Variants in PARP14 observed in about 807,000 individuals in gnomAD.
The protein encoded by PARP14 is protein mono-ADP-ribosyltransferase PARP14.
In PARP14, 59 loss-of-function variants were observed where a neutral mutation model predicts 154.2. The ratio of observed to expected loss-of-function variants is 0.38; its 90% CI spans 0.31 to 0.48. The LOEUF is 0.48. PARP14 is among the 20% of genes least tolerant of loss of function. PARP14 has a pLI of 0.98. For missense variants in PARP14, 1,734 were observed against 2,131.6 expected (o/e 0.81, Z 3.67); for synonymous variants, 720 against 780.5 (o/e 0.92, Z 1.29).
intron 15 of PARP14, among the ~76,000 whole-genome samples, chr3:122,725,781 G>C (rs563353495): frequency 4.0e-4 from 61 of 152,174 alleles, no homozygotes; most frequent in African/African-American, 1.5e-3. Flanking sequence ...CTTACTTACT[G>C]TACTTACTGA....
rs1576579907 is a variant in PARP14, at chr3:122,686,817, T to G, written c.322-263T>G. On this transcript the variant is annotated intron_variant, in intron 2 of 16. Coordinates refer to ENST00000474629, the MANE Select transcript of PARP14 (RefSeq NM_017554.3). ...ATTATGAGCTAAGATGTTTCTCTGA[T>G]GTAGGATGTACCTCATATTCCCAAA... 7.3e-6 allele frequency: 3 copies of G among 411,988 alleles called. No homozygotes were observed. The East Asian group carries it at 1.3e-4, about 18-fold the overall frequency. 25.5% of individuals were successfully genotyped at this position (411,988 alleles called of 1,614,324 possible).
chr3:122,725,089 C>T (rs1933254216), intron 15 of PARP14, among the ~76,000 whole-genome samples: 1 of 152,186 alleles, frequency 6.6e-6, no homozygotes, highest in African/African-American at 2.4e-5. Flanking sequence ...TCTCTTTTCC[C>T]CACATTTCCT....
chr3:122,714,461 C>T, intron 12 of PARP14, 32 bp downstream of exon 12: 1 of 1,506,574 alleles, frequency 6.6e-7, no homozygotes, highest in African/African-American at 1.4e-5. Flanking sequence ...AGGCTAAATC[C>T]CAAGCCATCT....
rs750476433 is a variant in PARP14, at chr3:122,701,542, G to T, written c.2988G>T (p.Ala996=). The T allele has an allele frequency of 1.6e-5, 25 of 1,611,438 alleles. No homozygotes were observed. The highest frequency in any genetic ancestry group is 2.0e-5 in the Non-Finnish European group (24 of 1,178,668). Residue 996 remains alanine, a synonymous_variant, in exon 6 of 17, where the codon GCG becomes GCT. Coordinates refer to ENST00000474629, the MANE Select transcript of PARP14 (RefSeq NM_017554.3). This position sits in a 1 kb window ranked among gnomAD's most constrained non-coding sequence, Gnocchi z 4.0. ...AAPPGLPPAA[A]GPGKTSWEKG... ...CGCCAGGTTTACCACCAGCAGCAGC[G>T]GGGCCTGGGAAAACATCATGGGAAA...
At chr3:122,705,971 G>A (rs920854991) in intron 8 of PARP14, among the ~76,000 whole-genome samples, 10 of 152,202 alleles carry the variant, frequency 6.6e-5, no homozygotes, top group Non-Finnish European at 1.2e-4. Flanking sequence ...AGGACGAATA[G>A]GAATAGCACA....
Position 122,701,126 on chromosome 3 carries a change from A to C in PARP14, c.2572A>C (p.Arg858=). ...TGACCAGATAGTGAAGAGAGAGGGC[A>C]GACTCCTACCGGGCAATGCCACCAT... The part of the protein sequence containing the change: ...DCDQIVKREG[R]LLPGNATISK... The change falls in exon 6 of 17, where the codon AGA becomes CGA. Residue 858 remains arginine (R), a synonymous_variant. Coordinates refer to ENST00000474629, the MANE Select transcript of PARP14 (RefSeq NM_017554.3). The surrounding 1 kb of genome is among the most constrained non-coding windows in gnomAD (Gnocchi z 4.0). 2 of 1,614,004 alleles carry C rather than the reference A, an allele frequency of 1.2e-6. No individual in the cohort carries two copies. Among genetic ancestry groups the C allele is most frequent in the Non-Finnish European group, 1.7e-6 (2 of 1,179,898 alleles).
At position 122,681,830 on chromosome 3, in the gene PARP14, G is replaced by A. The variant is rs1032315457; in HGVS notation, c.187+760G>A. On this transcript the variant is annotated intron_variant, in intron 1 of 16. Coordinates refer to ENST00000474629, the MANE Select transcript of PARP14 (RefSeq NM_017554.3). The surrounding 1 kb of genome is among the most constrained non-coding windows in gnomAD (Gnocchi z 5.5). ...CCAAGAGCCCAGAGGTGATCTGCTGGCTCAAGGGCCTCCCTGGTCTGCAAT... is the reference window on the plus strand; with the variant it reads ...CCAAGAGCCCAGAGGTGATCTGCTGACTCAAGGGCCTCCCTGGTCTGCAAT... 6.6e-5 allele frequency among the ~76,000 whole-genome samples: 10 copies of A among 152,184 alleles called. No homozygotes were observed. The highest frequency in any genetic ancestry group is 6.5e-4 in the Admixed American group (10 of 15,280).
Position 122,701,033 on chromosome 3 carries a change from C to G in PARP14, c.2479C>G (p.Leu827Val). 1 of 1,614,024 alleles carries G rather than the reference C, an allele frequency of 6.2e-7. No individual in the cohort carries two copies. The highest frequency in any genetic ancestry group is 8.5e-7 in the Non-Finnish European group (1 of 1,179,874). ...DVVVNASNED[L>V]KHYGGLAAAL... Reference sequence around the variant, plus strand: ...GGTGGTGAATGCATCTAATGAGGACCTTAAGCATTATGGTGGCCTGGCCGC... The same window carrying G: ...GGTGGTGAATGCATCTAATGAGGACGTTAAGCATTATGGTGGCCTGGCCGC... The change falls in exon 6 of 17, where the codon CTT becomes GTT. Residue 827 changes from leucine (L) to valine (V), a missense_variant. By Grantham distance (32) the Leu-to-Val change is conservative. Coordinates refer to ENST00000474629, the MANE Select transcript of PARP14 (RefSeq NM_017554.3). This position sits in a 1 kb window ranked among gnomAD's most constrained non-coding sequence, Gnocchi z 4.0.
At position 122,704,635 on chromosome 3, in the gene PARP14, A is replaced by C; in HGVS notation, c.3427A>C (p.Ile1143Leu). Residue 1143 changes from isoleucine (I) to leucine (L), a missense_variant, in exon 8 of 17, where the codon ATA becomes CTA. Around this residue, in one of 2 missense-constraint regions of PARP14, gnomAD observed 1,646 missense variants for 1,976.0 expected, o/e 0.83. Coordinates refer to ENST00000474629, the MANE Select transcript of PARP14 (RefSeq NM_017554.3). ...GTGNLGFPKN[I>L]FAELIISEVF... ...AGGAAACTTGGGATTTCCTAAAAAC[A>C]TATTCGCTGAATTAATCATTTCAGA... 1 of 1,606,292 alleles carries C rather than the reference A, an allele frequency of 6.2e-7. No individual in the cohort carries two copies.
At chr3:122,693,151 T>C (rs535050312) in intron 4 of PARP14, among the ~76,000 whole-genome samples, 31 of 152,354 alleles carry the variant, frequency 2.0e-4, no homozygotes, top group African/African-American at 7.0e-4. Flanking sequence ...TCTACACCTG[T>C]CCTCTTACCT....
At position 122,701,323 on chromosome 3, in the gene PARP14, T is replaced by C; in HGVS notation, c.2769T>C (p.Ser923=). The part of the protein sequence containing the change: ...YRSIAIPAIS[S]GVFGFPLGRC... ...CCATAGCCATCCCAGCTATTAGTTC[T>C]GGAGTCTTTGGCTTTCCCTTAGGCC... Residue 923 remains serine, a synonymous_variant, in exon 6 of 17, where the codon TCT becomes TCC. Transcript: ENST00000474629. The surrounding 1 kb of genome is among the most constrained non-coding windows in gnomAD (Gnocchi z 4.0). 6.2e-7 allele frequency: 1 copy of C among 1,614,074 alleles called. No individual in the cohort carries two copies.
At position 122,699,545 on chromosome 3, in the gene PARP14, T is replaced by C. The variant is rs760486403; in HGVS notation, c.991T>C (p.Trp331Arg). Reference sequence around the variant, plus strand: ...TGAAGAGTCACTAGATCTTCCCTTATGGAAGTTCTTACAGAAAAAGAATCA... The same window carrying C: ...TGAAGAGTCACTAGATCTTCCCTTACGGAAGTTCTTACAGAAAAAGAATCA... The part of the protein sequence containing the change: ...PFEESLDLPL[W>R]KFLQKKNHLI... The change falls in exon 6 of 17, where the codon TGG (tryptophan) becomes CGG (arginine). Residue 331 changes from tryptophan to arginine, a missense_variant. Trp to Arg is a moderately radical substitution (Grantham distance 101). Transcript: ENST00000474629. 3.1e-6 allele frequency: 5 copies of C among 1,613,878 alleles called. No homozygotes were observed. Among genetic ancestry groups the C allele is most frequent in the Non-Finnish European group, 1.7e-6 (2 of 1,179,784 alleles).
At chr3:122,726,997 GAA>G (rs71136587) in intron 15 of PARP14, among the ~76,000 whole-genome samples, 5 of 132,956 alleles carry the variant, frequency 3.8e-5, no homozygotes, top group African/African-American at 8.4e-5. Context: ...CCCAAAACTG[GAA>G]AAAAAAAAAA....
intron 2 of PARP14, among the ~76,000 whole-genome samples, chr3:122,686,268 C>T (rs1938370091): frequency 6.6e-6 from 1 of 151,958 alleles, no homozygotes; most frequent in South Asian, 2.1e-4. Context: ...ATCCTCCTAC[C>T]TCAGCCTCCC....
At chr3:122,723,102 A>AT (rs975776945) in intron 15 of PARP14, among the ~76,000 whole-genome samples, 15 of 151,062 alleles carry the variant, frequency 9.9e-5, no homozygotes, top group Admixed American at 2.6e-4. Flanking sequence ...CACCCGGCTA[A>AT]TTTTTTTTTG....
At chr3:122,705,041 G>A (rs1399940503) in intron 8 of PARP14, among the ~76,000 whole-genome samples, 1 of 152,068 alleles carries the variant, frequency 6.6e-6, no homozygotes, top group Non-Finnish European at 1.5e-5. Flanking sequence ...TCAACCTATG[G>A]CCAATATGTT....
intron 4 of PARP14, 60 bp from the exon 5 acceptor site, chr3:122,695,366 A>G (rs1016064872): frequency 2.4e-6 from 2 of 847,388 alleles, no homozygotes. Flanking sequence ...TTTCTTCTAT[A>G]CAACATAAAG....
chr3:122,701,069 A>C lies in PARP14; in HGVS notation c.2515A>C (p.Lys839Gln), dbSNP rs1386457716. The part of the protein sequence containing the change: ...HYGGLAAALS[K>Q]AAGPELQADC... Reference sequence around the variant, plus strand: ...TGGTGGCCTGGCCGCTGCGCTCTCAAAAGCAGCTGGCCCTGAGCTCCAGGC... The same window carrying C: ...TGGTGGCCTGGCCGCTGCGCTCTCACAAGCAGCTGGCCCTGAGCTCCAGGC... Residue 839 changes from lysine to glutamine, a missense_variant, in exon 6 of 17, where the codon AAA (lysine) becomes CAA (glutamine). This residue lies in a region of PARP14 where 1,646 missense variants were observed against 1,976.0 expected (regional missense o/e 0.83). Transcript: ENST00000474629. This position sits in a 1 kb window ranked among gnomAD's most constrained non-coding sequence, Gnocchi z 4.0. 1 of 1,613,986 alleles carries C rather than the reference A, an allele frequency of 6.2e-7. No homozygotes were observed. Among genetic ancestry groups the C allele is most frequent in the Non-Finnish European group, 8.5e-7 (1 of 1,179,888 alleles).
chr3:122,682,980 G>C (rs1211841545), intron 1 of PARP14, among the ~76,000 whole-genome samples: 1 of 152,160 alleles, frequency 6.6e-6, no homozygotes. Flanking sequence ...GCTTGAACCA[G>C]GGAGGCAGAG....
Sources: gnomAD v4.1 joint callset for allele counts (sites outside exome capture counted in the v4.1 genomes callset) on GRCh38, gnomAD v4.1.1 for gene constraint, gnomAD v4.1.1 regional missense constraint, Gnocchi (gnomAD v3.1) non-coding constraint, MANE v1.5 for transcripts, NCBI Gene and HGNC (gene_info 2026-07-23, HGNC 2026-07-21) for gene names.